The following ACACA variants were observed in gnomAD, a reference collection of about 807,000 sequenced individuals.
The protein encoded by ACACA is acetyl-CoA carboxylase alpha.
In ACACA, 103 loss-of-function variants were observed where a neutral mutation model predicts 296.1. That is an observed-to-expected ratio of 0.35 (90% CI 0.30 to 0.41). The LOEUF is 0.41. ACACA is among the 10% of genes least tolerant of loss of function. The probability of loss-of-function intolerance (pLI) is 1.00; values close to 1 mark genes in which losing one functional copy is unlikely to be tolerated. For missense variants in ACACA, 1,554 were observed against 2,989.7 expected, an observed-to-expected ratio of 0.52 and a Z score of 11.20; for synonymous variants, 953 against 1,038.6, an observed-to-expected ratio of 0.92 and a Z score of 1.58.
At chr17:37,218,861 A>C (rs1009478141) in intron 29 of ACACA, among the ~76,000 whole-genome samples, 7 of 152,344 alleles carry the variant, frequency 4.6e-5, no homozygotes, top group African/African-American at 1.4e-4. Flanking sequence ...AACTAGCTAA[A>C]TCTAAAAGAG....
At chr17:37,260,280 ATATATATATATATATATTTTTTT>A (rs1451571678) in intron 11 of ACACA, among the ~76,000 whole-genome samples, 10 of 32,412 alleles carry the variant, frequency 3.1e-4, no homozygotes, top group Middle Eastern at 8.8e-3. Context: ...ATATATATAT[ATATATATATATATATATTTTTTT>A]TTTTTTTTTT....
Position 37,097,434 on chromosome 17 carries a change from G to A in ACACA, c.6721-268C>T, listed in dbSNP as rs1567653728. 6.6e-6 allele frequency among the ~76,000 whole-genome samples: 1 copy of A among 152,216 alleles called. No individual in the cohort carries two copies. Among genetic ancestry groups the A allele is most frequent in the East Asian group, 1.9e-4 (1 of 5,192 alleles). On this transcript the variant is annotated intron_variant, in intron 53 of 55. Transcript: ENST00000616317. The surrounding 1 kb of genome is among the most constrained non-coding windows in gnomAD (Gnocchi z 4.8). ...AGATGTTCTGGGGAAGAGGCTGTGAGTTCCCAGATAACCAGACAAGGATAA... is the reference window on the plus strand; with the variant it reads ...AGATGTTCTGGGGAAGAGGCTGTGAATTCCCAGATAACCAGACAAGGATAA...
chr17:37,233,351 A>G (rs1332897977), intron 25 of ACACA, among the ~76,000 whole-genome samples: 1 of 152,218 alleles, frequency 6.6e-6, no homozygotes, highest in Admixed American at 6.5e-5. Context: ...TCTTAAGGCA[A>G]GCGTTACTTA....
At chr17:37,237,078 T>C (rs552655312) in intron 24 of ACACA, among the ~76,000 whole-genome samples, 3 of 152,324 alleles carry the variant, frequency 2.0e-5, no homozygotes, top group Admixed American at 6.5e-5. Context: ...ATCACCAATG[T>C]ATGTATAGCT....
chr17:37,118,449 AT>A (rs2074363132), intron 50 of ACACA, among the ~76,000 whole-genome samples: 1 of 152,230 alleles, frequency 6.6e-6, no homozygotes, highest in Admixed American at 6.5e-5. Flanking sequence ...AAATGAACTC[AT>A]TTCTGAGCTC....
At chr17:37,144,655 T>G (rs1163515251) in intron 45 of ACACA, among the ~76,000 whole-genome samples, 1 of 152,244 alleles carries the variant, frequency 6.6e-6, no homozygotes, top group East Asian at 1.9e-4. Flanking sequence ...CAGAGAGAAA[T>G]GTAACTTACT....
chr17:37,174,622 T>A (rs1473665015), intron 41 of ACACA, among the ~76,000 whole-genome samples: 3 of 151,900 alleles, frequency 2.0e-5, no homozygotes, highest in Non-Finnish European at 4.4e-5. Flanking sequence ...AACCTCTGCC[T>A]CCCGGGTTCA....
chr17:37,191,586 A>G (rs2077752935), intron 37 of ACACA, among the ~76,000 whole-genome samples: 1 of 152,206 alleles, frequency 6.6e-6, no homozygotes, highest in South Asian at 2.1e-4. Flanking sequence ...AAACAGAGCT[A>G]TTTAGAAAGG....
intron 17 of ACACA, among the ~76,000 whole-genome samples, chr17:37,248,375 C>A (rs2080818008): frequency 6.6e-6 from 1 of 152,176 alleles, no homozygotes; most frequent in South Asian, 2.1e-4. Flanking sequence ...TGTTCTCTGT[C>A]TCTCCTTTAT....
intron 41 of ACACA, among the ~76,000 whole-genome samples, chr17:37,170,621 C>A (rs2076848203): frequency 6.6e-6 from 1 of 152,100 alleles, no homozygotes; most frequent in East Asian, 1.9e-4. Flanking sequence ...TCTATCTATC[C>A]ATATATGTAT....
chr17:37,244,225 G>A (rs1249740741), intron 21 of ACACA, among the ~76,000 whole-genome samples: 3 of 151,530 alleles, frequency 2.0e-5, no homozygotes, highest in African/African-American at 4.8e-5. Context: ...AATTAGCCGC[G>A]CCTGGTGGCA....
chr17:37,270,422 GT>G (rs2082017205), intron 10 of ACACA, among the ~76,000 whole-genome samples: 1 of 152,092 alleles, frequency 6.6e-6, no homozygotes, highest in South Asian at 2.1e-4. Context: ...ATACAGAAAG[GT>G]ATTGATTTTT....
intron 45 of ACACA, chr17:37,144,014 G>A: frequency 1.3e-6 from 1 of 787,524 alleles, no homozygotes; most frequent in Non-Finnish European, 2.3e-6. Context: ...AGCCTCTTGG[G>A]TGCATTGGGA....
intron 24 of ACACA, among the ~76,000 whole-genome samples, chr17:37,240,001 T>C (rs779559026): frequency 1.2e-4 from 18 of 152,228 alleles, no homozygotes; most frequent in Non-Finnish European, 2.4e-4. Context: ...GTGAAGCTCT[T>C]CAGAGAAAGC....
At chr17:37,375,225 G>A (rs1161904838) in intron 1 of ACACA, among the ~76,000 whole-genome samples, 1 of 151,880 alleles carries the variant, frequency 6.6e-6, no homozygotes, top group African/African-American at 2.4e-5. Flanking sequence ...GGTGGCTCAT[G>A]CCTGTAATCC....
intron 38 of ACACA, among the ~76,000 whole-genome samples, chr17:37,189,275 T>C (rs1384465263): frequency 6.6e-6 from 1 of 152,262 alleles, no homozygotes; most frequent in African/African-American, 2.4e-5. Context: ...TAGAACATGC[T>C]ATTCGAACTT....
At chr17:37,245,355 C>T in intron 19 of ACACA, 141 bp from the exon 20 acceptor site, 1 of 769,174 alleles carries the variant, frequency 1.3e-6, no homozygotes. Context: ...ACCATCATCT[C>T]CTAGGGACTA....
At chr17:37,248,705 C>G (rs767196508) in intron 16 of ACACA, 31 bp from the exon 17 acceptor site, 12 of 1,459,328 alleles carry the variant, frequency 8.2e-6, no homozygotes, top group Non-Finnish European at 1.2e-5. Context: ...GAACTTACTA[C>G]AAAGTTCTAA....
intron 11 of ACACA, among the ~76,000 whole-genome samples, chr17:37,262,103 G>C (rs570164935): frequency 6.6e-6 from 1 of 152,188 alleles, no homozygotes; most frequent in East Asian, 1.9e-4. Context: ...GTAGGAAAAA[G>C]GATAAAGGGA....
Sources: allele counts gnomAD v4.1 joint callset (sites outside exome capture counted in the v4.1 genomes callset), GRCh38; gene constraint gnomAD v4.1.1; non-coding constraint Gnocchi (gnomAD v3.1); transcripts MANE v1.5; gene names NCBI Gene and HGNC (gene_info 2026-07-23, HGNC 2026-07-21).